The following KIF16B variants were observed in gnomAD, a reference collection of about 807,000 sequenced individuals.
The protein encoded by KIF16B is kinesin-like protein KIF16B.
Under a neutral mutation model 156.3 loss-of-function variants are expected in KIF16B, and 98 were observed. That is an observed-to-expected ratio of 0.63 (90% CI 0.53 to 0.74). The LOEUF (loss-of-function observed/expected upper bound fraction) is 0.74. Among genes scored for constraint, KIF16B ranks in the 30% least tolerant of loss-of-function variants. The pLI, the probability that KIF16B is intolerant of heterozygous loss-of-function variation, is 0.00. For missense variants in KIF16B, 1,421 were observed against 1,606.5 expected (o/e 0.88, Z 1.97); for synonymous variants, 564 against 583.7 (o/e 0.97, Z 0.49).
At chr20:16,303,651 C>T (rs966621575) in intron 25 of KIF16B, among the ~76,000 whole-genome samples, 11 of 152,142 alleles carry the variant, frequency 7.2e-5, no homozygotes, top group South Asian at 2.1e-4. Context: ...GACATATTAA[C>T]GGGCAGATAC....
intron 2 of KIF16B, among the ~76,000 whole-genome samples, chr20:16,526,835 T>C (rs919992479): frequency 3.3e-5 from 5 of 152,222 alleles, no homozygotes; most frequent in African/African-American, 9.6e-5. Context: ...ATTGGACATA[T>C]GCTGAATAAC....
intron 10 of KIF16B, among the ~76,000 whole-genome samples, chr20:16,501,748 G>T (rs950715672): frequency 6.6e-6 from 1 of 152,128 alleles, no homozygotes; most frequent in African/African-American, 2.4e-5. Flanking sequence ...GAGATCAAAA[G>T]AGTGAATATT....
chr20:16,487,894 G>A (rs888542556), intron 12 of KIF16B, among the ~76,000 whole-genome samples: 2 of 152,098 alleles, frequency 1.3e-5, no homozygotes, highest in South Asian at 2.1e-4. Flanking sequence ...TTCAGTTTTC[G>A]ACAAACATTA....
chr20:16,293,091 G>C (rs1288079305), intron 25 of KIF16B, among the ~76,000 whole-genome samples: 3 of 152,092 alleles, frequency 2.0e-5, no homozygotes, highest in African/African-American at 7.2e-5. Flanking sequence ...CTGAACAAAT[G>C]GAATTCCAGA....
At chr20:16,384,172 A>T (rs1398753885) in intron 17 of KIF16B, among the ~76,000 whole-genome samples, 1 of 152,136 alleles carries the variant, frequency 6.6e-6, no homozygotes, top group African/African-American at 2.4e-5. Flanking sequence ...CTAAAGTGAC[A>T]TTTTAACTGA....
intron 1 of KIF16B, among the ~76,000 whole-genome samples, chr20:16,538,592 T>TG (rs1195247732): frequency 3.3e-5 from 5 of 151,908 alleles, no homozygotes; most frequent in Admixed American, 6.6e-5. Flanking sequence ...TAGATCAATA[T>TG]GGGGGGAGGA....
At chr20:16,567,168 C>G (rs535956461) in intron 1 of KIF16B, among the ~76,000 whole-genome samples, 1 of 152,134 alleles carries the variant, frequency 6.6e-6, no homozygotes, top group East Asian at 1.9e-4. Context: ...TGACCTTGGG[C>G]GGTCTTATTT....
intron 23 of KIF16B, among the ~76,000 whole-genome samples, chr20:16,347,777 G>A (rs1041377609): frequency 2.0e-5 from 3 of 152,104 alleles, no homozygotes; most frequent in African/African-American, 4.8e-5. Context: ...CATTTGTCTC[G>A]GCCGTGCTAA....
intron 11 of KIF16B, among the ~76,000 whole-genome samples, chr20:16,497,403 G>A (rs527767638): frequency 6.6e-6 from 1 of 152,284 alleles, no homozygotes; most frequent in African/African-American, 2.4e-5. Flanking sequence ...TCATGTGCCA[G>A]ACAAATCCCG....
chr20:16,408,146 G>A (rs1036148869), intron 15 of KIF16B, among the ~76,000 whole-genome samples: 12 of 152,100 alleles, frequency 7.9e-5, no homozygotes, highest in South Asian at 2.1e-4. Flanking sequence ...ACAACTCAAG[G>A]GAGTTTCAAA....
chr20:16,413,872 T>C (rs909441173), intron 15 of KIF16B, among the ~76,000 whole-genome samples: 1 of 151,984 alleles, frequency 6.6e-6, no homozygotes, highest in Non-Finnish European at 1.5e-5. Flanking sequence ...TGAAATGGTA[T>C]TGAGTGAGAG....
intron 17 of KIF16B, 90 bp downstream of exon 17, chr20:16,404,723 G>A (rs2065737568): frequency 9.7e-7 from 1 of 1,026,106 alleles, no homozygotes; most frequent in African/African-American, 1.6e-5. Context: ...CGTTGCAGAA[G>A]TTTTATTTTT....
intron 1 of KIF16B, among the ~76,000 whole-genome samples, chr20:16,552,958 G>A (rs1447467039): frequency 6.6e-6 from 1 of 151,968 alleles, no homozygotes; most frequent in Non-Finnish European, 1.5e-5. Flanking sequence ...TAGAGACAGG[G>A]TTTCATCGTG....
intron 3 of KIF16B, among the ~76,000 whole-genome samples, chr20:16,517,109 T>A (rs1399077879): frequency 1.3e-5 from 2 of 152,006 alleles, no homozygotes; most frequent in African/African-American, 2.4e-5. Flanking sequence ...ACCTCAACCA[T>A]CCCTGCTGAT....
intron 1 of KIF16B, among the ~76,000 whole-genome samples, chr20:16,530,819 A>G (rs1484551764): frequency 6.6e-6 from 1 of 152,006 alleles, no homozygotes; most frequent in Non-Finnish European, 1.5e-5. Context: ...ATCCTGCCAT[A>G]GCCTCCCAAG....
intron 12 of KIF16B, among the ~76,000 whole-genome samples, chr20:16,479,311 T>C (rs1479983343): frequency 6.6e-6 from 1 of 151,890 alleles, no homozygotes; most frequent in African/African-American, 2.4e-5. Context: ...ACAATGTGAA[T>C]ATAAAGAAGA....
In KIF16B at chr20:16,379,306, T is replaced by G. The variant is rs752763873; in HGVS notation, c.2696A>C (p.Glu899Ala). Reference protein sequence around the residue: ...PQDFEKIKPVEYRLQYKERQL... With the variant: ...PQDFEKIKPVAYRLQYKERQL... ...GCGTTCTTTATATTGCAGCCTGTAC[T>G]CCACTGGCTTTATTTTCTCGAAATC... The change falls in exon 19 of 26, where the codon GAG becomes GCG. Residue 899 changes from glutamate to alanine, a missense_variant. Glu to Ala is a moderately radical substitution (Grantham distance 107). Coordinates refer to ENST00000354981, the MANE Select transcript of KIF16B (RefSeq NM_024704.5). The G allele has an allele frequency of 6.2e-7, 1 of 1,609,354 alleles. No individual in the cohort carries two copies. The highest frequency in any genetic ancestry group is 8.5e-7 in the Non-Finnish European group (1 of 1,178,430).
At chr20:16,410,087 GTAGGTACATATATA>G (rs2065901240) in intron 15 of KIF16B, among the ~76,000 whole-genome samples, 1 of 111,092 alleles carries the variant, frequency 9.0e-6, no homozygotes, top group Admixed American at 8.9e-5. Context: ...ATATATATAT[GTAGGTACATATATA>G]TATATGTAGG....
chr20:16,447,325 T>A (rs536042563), intron 12 of KIF16B, among the ~76,000 whole-genome samples: 5 of 152,238 alleles, frequency 3.3e-5, no homozygotes, highest in Admixed American at 6.5e-5. Flanking sequence ...TCCTTTTTTT[T>A]AATCACTTTC....
Sources: gnomAD v4.1 joint callset for allele counts (sites outside exome capture counted in the v4.1 genomes callset) on GRCh38, gnomAD v4.1.1 for gene constraint, MANE v1.5 for transcripts, NCBI Gene and HGNC (gene_info 2026-07-23, HGNC 2026-07-21) for gene names.